Variants in ELF2 observed in about 807,000 individuals in gnomAD.
The protein encoded by ELF2 is E74 like ETS transcription factor 2, also known as ETS-related transcription factor Elf-2.
A neutral mutation model predicts 54.8 loss-of-function variants in ELF2; 11 were observed. That is an observed-to-expected ratio of 0.20 (90% CI 0.13 to 0.33). The LOEUF is 0.33. Among genes scored for constraint, ELF2 ranks in the 10% least tolerant of loss-of-function variants. ELF2 has a pLI of 1.00. For synonymous variants in ELF2, 203 were observed against 245.1 expected (o/e 0.83, Z 1.61); for missense variants, 513 against 703.0 (o/e 0.73, Z 3.06).
At chr4:139,104,508 C>CAAA (rs34642901) in intron 4 of ELF2, among the ~76,000 whole-genome samples, 26 of 76,864 alleles carry the variant, frequency 3.4e-4, no homozygotes, top group African/African-American at 9.4e-4. Flanking sequence ...GACTCTGTCT[C>CAAA]AAAAAAAAAA....
At chr4:139,084,345 G>T in intron 4 of ELF2, 1 of 1,520,220 alleles carries the variant, frequency 6.6e-7, no homozygotes, top group South Asian at 1.2e-5. Context: ...ATCCTTGCGC[G>T]TCCTCCGACA....
At chr4:139,158,898 T>C (rs1475397976) in intron 1 of ELF2, among the ~76,000 whole-genome samples, 1 of 152,108 alleles carries the variant, frequency 6.6e-6, no homozygotes, top group Non-Finnish European at 1.5e-5. Flanking sequence ...AAAAGACAAT[T>C]AGTCGTTTCA....
intron 4 of ELF2, among the ~76,000 whole-genome samples, chr4:139,075,172 TTA>T (rs1490862171): frequency 6.6e-6 from 1 of 152,250 alleles, no homozygotes; most frequent in Non-Finnish European, 1.5e-5. Flanking sequence ...GCTTTGCTGA[TTA>T]TGTTACTTGT....
intron 4 of ELF2, among the ~76,000 whole-genome samples, chr4:139,074,536 C>A (rs1312539693): frequency 6.6e-6 from 1 of 151,642 alleles, no homozygotes; most frequent in African/African-American, 2.4e-5. Context: ...CCAAGGCGTG[C>A]GGATCACGAG....
At chr4:139,085,058 G>T (rs1731826326) in intron 4 of ELF2, among the ~76,000 whole-genome samples, 1 of 152,046 alleles carries the variant, frequency 6.6e-6, no homozygotes, top group Non-Finnish European at 1.5e-5. Context: ...ATTTCTGTTT[G>T]GCTCACTTGG....
chr4:139,158,526 A>G (rs1354218424), intron 1 of ELF2, among the ~76,000 whole-genome samples: 2 of 152,158 alleles, frequency 1.3e-5, no homozygotes, highest in African/African-American at 2.4e-5. Flanking sequence ...GTGGGAACCT[A>G]GAGTGGGAGA....
At chr4:139,161,343 G>A (rs550373122) in intron 1 of ELF2, among the ~76,000 whole-genome samples, 109 of 152,148 alleles carry the variant, frequency 7.2e-4, no homozygotes, top group Non-Finnish European at 1.3e-3. Context: ...GTTAGAATTT[G>A]TTTCTGCTAA....
chr4:139,115,075 A>G, intron 4 of ELF2: 7 of 1,613,610 alleles, frequency 4.3e-6, no homozygotes, highest in Non-Finnish European at 5.9e-6. Flanking sequence ...CATGTCCAGG[A>G]GCTCATCCAC....
intron 4 of ELF2, among the ~76,000 whole-genome samples, chr4:139,088,546 G>A (rs1368406565): frequency 1.3e-5 from 2 of 151,774 alleles, no homozygotes; most frequent in African/African-American, 2.4e-5. Flanking sequence ...CCTTCCCTTC[G>A]TTTGATTTTC....
At chr4:139,145,617 T>A (rs1316617373) in intron 1 of ELF2, among the ~76,000 whole-genome samples, 1 of 152,174 alleles carries the variant, frequency 6.6e-6, no homozygotes, top group Non-Finnish European at 1.5e-5. Flanking sequence ...ATATCCCTGA[T>A]GAACATAGAT....
chr4:139,102,161 A>G (rs1733938006), intron 4 of ELF2: 1 of 152,028 alleles, frequency 6.6e-6, no homozygotes, highest in South Asian at 2.1e-4. Flanking sequence ...ACTATTACAC[A>G]TCAGAAAAAA....
At chr4:139,153,010 A>G (rs948784682) in intron 1 of ELF2, among the ~76,000 whole-genome samples, 3 of 147,422 alleles carry the variant, frequency 2.0e-5, no homozygotes, top group African/African-American at 7.5e-5. Flanking sequence ...ACATTTTTGT[A>G]GTTATTGAAA....
intron 5 of ELF2, 165 bp from the exon 6 acceptor site, chr4:139,072,204 C>G (rs1167608045): frequency 6.3e-6 from 4 of 630,796 alleles, no homozygotes; most frequent in Non-Finnish European, 1.0e-5. Flanking sequence ...ATGATTTAAA[C>G]TACATAAGGA....
Position 139,149,806 on chromosome 4 carries a change from G to A in ELF2, c.-251-10309C>T, listed in dbSNP as rs1309622553. Among the ~76,000 whole-genome samples the A allele has an allele frequency of 3.9e-5, 6 of 152,132 alleles. No individual in the cohort carries two copies. The East Asian group carries it at 1.2e-3, about 29-fold the overall frequency. ...TAGGTATACTCACTGTCTTAAGGATGTCAATTCTCACCAAATTAATCTATC... is the reference window on the plus strand; with the variant it reads ...TAGGTATACTCACTGTCTTAAGGATATCAATTCTCACCAAATTAATCTATC... On this transcript the variant is annotated intron_variant, in intron 1 of 9. Transcript: ENST00000686138.
At chr4:139,111,781 T>C (rs1734970666) in intron 4 of ELF2, among the ~76,000 whole-genome samples, 1 of 152,184 alleles carries the variant, frequency 6.6e-6, no homozygotes, top group Non-Finnish European at 1.5e-5. Flanking sequence ...GCTGAGCAAC[T>C]ATTTTAATCT....
At chr4:139,094,341 C>G (rs1257785734) in intron 4 of ELF2, among the ~76,000 whole-genome samples, 1 of 152,216 alleles carries the variant, frequency 6.6e-6, no homozygotes, top group African/African-American at 2.4e-5. Flanking sequence ...AAAGCCATCA[C>G]AGCAGAGCCA....
chr4:139,132,841 C>CATATAT (rs58765596), intron 3 of ELF2, among the ~76,000 whole-genome samples: 1,534 of 114,896 alleles, frequency 0.013, 11 homozygotes, highest in Non-Finnish European at 0.018. Context: ...TATTACTTTA[C>CATATAT]ATATATATAT....
At chr4:139,127,207 G>A (rs1737010323) in intron 3 of ELF2, among the ~76,000 whole-genome samples, 1 of 152,182 alleles carries the variant, frequency 6.6e-6, no homozygotes, top group Non-Finnish European at 1.5e-5. Context: ...TCTACTATGT[G>A]TTGGAGGAAG....
At chr4:139,116,422 C>T (rs1286223441) in intron 4 of ELF2, among the ~76,000 whole-genome samples, 1 of 151,072 alleles carries the variant, frequency 6.6e-6, no homozygotes, top group Non-Finnish European at 1.5e-5. Flanking sequence ...GAAGTAGAGG[C>T]ATGAAATAGC....
Sources: allele counts gnomAD v4.1 joint callset (sites outside exome capture counted in the v4.1 genomes callset), GRCh38; gene constraint gnomAD v4.1.1; transcripts MANE v1.5; gene names NCBI Gene and HGNC (gene_info 2026-07-23, HGNC 2026-07-21).